Variants in SLC25A48 observed in about 807,000 individuals in gnomAD.
SLC25A48 encodes solute carrier family 25 member 48.
In SLC25A48, 29 loss-of-function variants were observed where a neutral mutation model predicts 32.2. That is an observed-to-expected ratio of 0.90 (90% confidence interval 0.67 to 1.23). SLC25A48 has a LOEUF of 1.23. Ranked by LOEUF, SLC25A48 falls within the 50% of genes most tolerant of loss-of-function variation. The pLI, the probability that SLC25A48 is intolerant of heterozygous loss-of-function variation, is 0.00. For synonymous variants in SLC25A48, 164 were observed against 172.3 expected (o/e 0.95, Z 0.38); for missense variants, 399 against 422.7 (o/e 0.94, Z 0.49).
intron 4 of SLC25A48, among the ~76,000 whole-genome samples, chr5:135,858,090 G>T (rs1760480257): frequency 9.1e-6 from 1 of 110,058 alleles, no homozygotes; most frequent in Admixed American, 9.3e-5. Context: ...TGTGCCTTCA[G>T]GTTGTTTATT....
At chr5:135,771,754 T>C (rs1188907453) in intron 3 of SLC25A48, among the ~76,000 whole-genome samples, 1 of 151,384 alleles carries the variant, frequency 6.6e-6, no homozygotes, top group Non-Finnish European at 1.5e-5. Flanking sequence ...GAGGATGATA[T>C]TACTTCCAAT....
At chr5:135,612,131 A>G (rs1318858918) in intron 1 of SLC25A48, among the ~76,000 whole-genome samples, 3 of 152,270 alleles carry the variant, frequency 2.0e-5, no homozygotes, top group African/African-American at 7.2e-5. Flanking sequence ...ACCTAAAATA[A>G]GCAGAATAAA....
At chr5:135,611,522 A>AAAAAAAAAAAAG (rs1752067000) in intron 1 of SLC25A48, among the ~76,000 whole-genome samples, 1 of 143,844 alleles carries the variant, frequency 7.0e-6, no homozygotes, top group East Asian at 2.0e-4. Flanking sequence ...AAAAAAAAAA[A>AAAAAAAAAAAAG]AAAAAGAAAA....
At chr5:135,879,391 T>C (rs1383837995) in intron 6 of SLC25A48, among the ~76,000 whole-genome samples, 1 of 152,008 alleles carries the variant, frequency 6.6e-6, no homozygotes, top group Non-Finnish European at 1.5e-5. Flanking sequence ...GTCGGGAAAA[T>C]TGAGTTCTAG....
intron 6 of SLC25A48, among the ~76,000 whole-genome samples, chr5:135,874,405 A>G (rs1037645823): frequency 1.3e-5 from 2 of 152,228 alleles, no homozygotes; most frequent in Non-Finnish European, 2.9e-5. Context: ...GCAGCCACAC[A>G]GCTGGTCCAT....
At chr5:135,655,359 GAT>G (rs1434687302) in intron 3 of SLC25A48, among the ~76,000 whole-genome samples, 2 of 152,206 alleles carry the variant, frequency 1.3e-5, no homozygotes, top group Admixed American at 1.3e-4. Flanking sequence ...CTGTCTCAAG[GAT>G]GAGAAAATGG....
At chr5:135,825,490 T>C (rs1758016456) in intron 4 of SLC25A48, among the ~76,000 whole-genome samples, 1 of 152,020 alleles carries the variant, frequency 6.6e-6, no homozygotes, top group Non-Finnish European at 1.5e-5. Context: ...CTTGGATGGG[T>C]GAGTGACATT....
At position 135,766,328 on chromosome 5, in the gene SLC25A48, C is replaced by T. The variant is rs74689436; in HGVS notation, c.-520-46195C>T. ...TCTTCATATTGCGGTGGTGTACACCCCCCTGTAATATGGTTTGTAATATCA... is the reference window on the plus strand; with the variant it reads ...TCTTCATATTGCGGTGGTGTACACCTCCCTGTAATATGGTTTGTAATATCA... On this transcript the variant is annotated intron_variant, in intron 3 of 10. Transcript: ENST00000646290. 5.3e-3 allele frequency among the ~76,000 whole-genome samples: 763 copies of T among 143,424 alleles called. 6 individuals are homozygous for T. The highest frequency in any genetic ancestry group is 0.018 in the African/African-American group (724 of 39,412). 94.1% of individuals were successfully genotyped at this position (143,424 alleles called of 152,430 possible).
chr5:135,689,198 C>A (rs1754087860), intron 3 of SLC25A48, among the ~76,000 whole-genome samples: 1 of 152,196 alleles, frequency 6.6e-6, no homozygotes, highest in Non-Finnish European at 1.5e-5. Flanking sequence ...AACTGGGTGC[C>A]TCAGACCCTC....
chr5:135,887,211 C>T (rs1762765887), intron 7 of SLC25A48, among the ~76,000 whole-genome samples: 1 of 152,068 alleles, frequency 6.6e-6, no homozygotes, highest in East Asian at 1.9e-4. Flanking sequence ...AACGAGAAGA[C>T]TTGCGTTTTC....
intron 1 of SLC25A48, chr5:135,835,165 GCTCGT>G (rs1267201087): frequency 1.5e-6 from 1 of 660,340 alleles, no homozygotes; most frequent in Admixed American, 2.1e-5. Flanking sequence ...TGATTAAACA[GCTCGT>G]CAAAGCCCAC....
chr5:135,818,685 A>G (rs1394001152), intron 4 of SLC25A48, among the ~76,000 whole-genome samples: 1 of 152,206 alleles, frequency 6.6e-6, no homozygotes, highest in Non-Finnish European at 1.5e-5. Flanking sequence ...ACAATCTAAA[A>G]TTACCCAGCA....
chr5:135,775,751 G>A (rs549222317), intron 3 of SLC25A48, among the ~76,000 whole-genome samples: 3 of 151,546 alleles, frequency 2.0e-5, no homozygotes, highest in African/African-American at 7.3e-5. Flanking sequence ...ATTTCTCCCA[G>A]TATCACAGGG....
At chr5:135,843,122 G>T (rs1759139763) in intron 2 of SLC25A48, among the ~76,000 whole-genome samples, 1 of 152,240 alleles carries the variant, frequency 6.6e-6, no homozygotes, top group Non-Finnish European at 1.5e-5. Flanking sequence ...TTGATGGGAA[G>T]ATCAGCCTAC....
intron 1 of SLC25A48, among the ~76,000 whole-genome samples, chr5:135,611,816 G>C (rs1327337766): frequency 6.6e-6 from 1 of 152,200 alleles, no homozygotes; most frequent in African/African-American, 2.4e-5. Flanking sequence ...AATGTGATAA[G>C]AATGTTCCCC....
At chr5:135,882,826 T>C (rs1249465484) in intron 7 of SLC25A48, among the ~76,000 whole-genome samples, 4 of 152,180 alleles carry the variant, frequency 2.6e-5, no homozygotes, top group Non-Finnish European at 5.9e-5. Context: ...CAGGTCTCAC[T>C]AGCCTACTTT....
chr5:135,777,069 C>T (rs993303735), intron 3 of SLC25A48, among the ~76,000 whole-genome samples: 1 of 151,774 alleles, frequency 6.6e-6, no homozygotes, highest in Admixed American at 6.6e-5. Context: ...CCCAATATCG[C>T]AGGGGTTGTA....
intron 1 of SLC25A48, among the ~76,000 whole-genome samples, chr5:135,605,602 A>G (rs550193810): frequency 1.3e-5 from 2 of 152,344 alleles, no homozygotes; most frequent in African/African-American, 4.8e-5. Flanking sequence ...GAGAACATTT[A>G]ACATCTTCTT....
At chr5:135,789,977 AAT>A (rs1415370686) in intron 3 of SLC25A48, among the ~76,000 whole-genome samples, 4 of 151,972 alleles carry the variant, frequency 2.6e-5, no homozygotes, top group Non-Finnish European at 4.4e-5. Context: ...ATTTCAGTAT[AAT>A]ACTATGAACA....
Sources: allele counts gnomAD v4.1 joint callset (sites outside exome capture counted in the v4.1 genomes callset), GRCh38; gene constraint gnomAD v4.1.1; transcripts MANE v1.5; gene names NCBI Gene and HGNC (gene_info 2026-07-23, HGNC 2026-07-21).